Variants in HPSE2 observed in about 807,000 individuals in gnomAD.
HPSE2 encodes inactive heparanase-2.
HPSE2 carries 38 observed loss-of-function variants against 60.5 expected under a neutral mutation model. The observed-to-expected ratio is 0.63, with a 90% CI of 0.48 to 0.82. HPSE2 has a LOEUF of 0.82. Among genes scored for constraint, HPSE2 ranks in the 40% least tolerant of loss-of-function variants. The pLI, the probability that HPSE2 is intolerant of heterozygous loss-of-function variation, is 0.00. For missense variants in HPSE2, 713 were observed against 740.4 expected (o/e 0.96, Z 0.43); for synonymous variants, 295 against 293.2 (o/e 1.01, Z -0.06).
In HPSE2 at chr10:99,136,590, G is replaced by A. The variant is rs550982401; in HGVS notation, c.610+7648C>T. Reference sequence around the variant, plus strand: ...GGGATGCAAGGCTGGTTCAACATACGCAAATCAATAAACGTAATCCACCAC... The same window carrying A: ...GGGATGCAAGGCTGGTTCAACATACACAAATCAATAAACGTAATCCACCAC... On this transcript the variant is annotated intron_variant, in intron 3 of 11. Transcript: ENST00000370552. 5.9e-5 allele frequency among the ~76,000 whole-genome samples: 9 copies of A among 152,174 alleles called. No homozygotes were observed. The South Asian group carries it at 1.0e-3, about 18-fold the overall frequency.
intron 3 of HPSE2, among the ~76,000 whole-genome samples, chr10:99,106,360 C>A (rs1318213977): frequency 6.6e-6 from 1 of 151,972 alleles, no homozygotes; most frequent in Non-Finnish European, 1.5e-5. Flanking sequence ...AATGAAGTTT[C>A]TTCTAGTTTG....
chr10:99,305,979 G>GCGCGCGCA, the HPSE2 span, among the ~76,000 whole-genome samples: 4 of 80,580 alleles, frequency 5.0e-5, no homozygotes, highest in East Asian at 3.7e-4. Flanking sequence ...GCGCGCGCGC[G>GCGCGCGCA]CACACACACA....
At chr10:98,819,955 G>C (rs1951386280) in intron 3 of HPSE2, among the ~76,000 whole-genome samples, 1 of 151,852 alleles carries the variant, frequency 6.6e-6, no homozygotes, top group South Asian at 2.1e-4. Context: ...GTCACTCTTT[G>C]ACACCCTGTC....
intron 6 of HPSE2, among the ~76,000 whole-genome samples, chr10:98,647,269 T>C (rs536891491): frequency 1.2e-4 from 19 of 152,368 alleles, no homozygotes; most frequent in Non-Finnish European, 2.2e-4. Flanking sequence ...TAGCCACTTA[T>C]GCCCATTAGG....
chr10:98,668,442 G>A (rs1947424694), intron 6 of HPSE2, among the ~76,000 whole-genome samples: 1 of 152,072 alleles, frequency 6.6e-6, no homozygotes, highest in East Asian at 1.9e-4. Flanking sequence ...CCAAAAAGGA[G>A]CCCGATTAGC....
At chr10:98,827,946 T>G (rs1392132260) in intron 3 of HPSE2, among the ~76,000 whole-genome samples, 1 of 152,206 alleles carries the variant, frequency 6.6e-6, no homozygotes, top group Non-Finnish European at 1.5e-5. Flanking sequence ...TTACTCTCCA[T>G]AATGTGAGTA....
intron 7 of HPSE2, among the ~76,000 whole-genome samples, chr10:98,623,723 T>TTAAATA (rs944151308): frequency 6.6e-6 from 1 of 152,212 alleles, no homozygotes; most frequent in Non-Finnish European, 1.5e-5. Context: ...TAAGTTCTTT[T>TTAAATA]TAAATATAAA....
At chr10:99,291,823 T>C in the HPSE2 span, among the ~76,000 whole-genome samples, 1 of 152,168 alleles carries the variant, frequency 6.6e-6, no homozygotes, top group African/African-American at 2.4e-5. Flanking sequence ...TTCTCTCTCT[T>C]GTTCTCACTC....
chr10:98,995,866 G>A (rs1956631307), intron 3 of HPSE2, among the ~76,000 whole-genome samples: 1 of 152,084 alleles, frequency 6.6e-6, no homozygotes. Flanking sequence ...TACATGAAAA[G>A]GTGATCATGA....
intron 6 of HPSE2, among the ~76,000 whole-genome samples, chr10:98,658,962 C>A (rs1440120409): frequency 6.7e-6 from 1 of 149,648 alleles, no homozygotes; most frequent in East Asian, 2.0e-4. Flanking sequence ...ATAAAATTAA[C>A]CATTTTAAAG....
chr10:98,647,798 G>T (rs1946812664), intron 6 of HPSE2, among the ~76,000 whole-genome samples: 1 of 152,072 alleles, frequency 6.6e-6, no homozygotes, highest in Admixed American at 6.5e-5. Context: ...TTCTTATCTT[G>T]TGTTTCAGAA....
At chr10:98,809,301 A>G (rs868404762) in intron 3 of HPSE2, among the ~76,000 whole-genome samples, 71 of 152,208 alleles carry the variant, frequency 4.7e-4, no homozygotes, top group African/African-American at 1.7e-3. Context: ...GGTTCATTAT[A>G]TAATTCTCTC....
chr10:98,665,275 T>C (rs1947331770), intron 6 of HPSE2, among the ~76,000 whole-genome samples: 1 of 152,046 alleles, frequency 6.6e-6, no homozygotes, highest in Non-Finnish European at 1.5e-5. Flanking sequence ...CTCTGAAACA[T>C]ACAGGATAAT....
Position 98,544,712 on chromosome 10 carries a change from C to CA in HPSE2, c.1321-54517dup, listed in dbSNP as rs58604325. ...TGGGCGACAGAGCGAGACTCCGTCTCAAAAAAAAAAAAAAAAAAAAAAAAA... is the reference window on the plus strand; with the variant it reads ...TGGGCGACAGAGCGAGACTCCGTCTCAAAAAAAAAAAAAAAAAAAAAAAAAA... On this transcript the variant is annotated intron_variant, in intron 9 of 11. Coordinates refer to ENST00000370552, the MANE Select transcript of HPSE2 (RefSeq NM_021828.5). Among the ~76,000 whole-genome samples, 38 of 71,046 alleles carry CA rather than the reference C, an allele frequency of 5.3e-4. 1 individual carries two copies. The highest frequency in any genetic ancestry group is 2.3e-3 in the African/African-American group (38 of 16,662). 46.6% of individuals were successfully genotyped at this position (71,046 alleles called of 152,430 possible). A position where few individuals can be genotyped will look rare whatever the true frequency, so the allele number is the denominator to read the frequency against.
intron 2 of HPSE2, among the ~76,000 whole-genome samples, chr10:99,205,591 G>C (rs1361344642): frequency 6.6e-6 from 1 of 151,918 alleles, no homozygotes; most frequent in African/African-American, 2.4e-5. Context: ...CAAAAAAAAA[G>C]CTCATTTTCT....
chr10:98,666,478 T>C (rs996708267), intron 6 of HPSE2, among the ~76,000 whole-genome samples: 1 of 152,156 alleles, frequency 6.6e-6, no homozygotes, highest in Non-Finnish European at 1.5e-5. Context: ...CCACAGCATA[T>C]ACATTTTTCT....
At chr10:98,702,238 A>C (rs537325649) in intron 5 of HPSE2, among the ~76,000 whole-genome samples, 1 of 152,324 alleles carries the variant, frequency 6.6e-6, no homozygotes, top group South Asian at 2.1e-4. Context: ...TGTTAAAGGA[A>C]TCGATTCAAC....
chr10:99,228,083 T>C (rs1342200543), intron 2 of HPSE2, among the ~76,000 whole-genome samples: 1 of 152,008 alleles, frequency 6.6e-6, no homozygotes, highest in Non-Finnish European at 1.5e-5. Context: ...CTAGGTGAGA[T>C]GGAATAAGCT....
At chr10:98,556,855 A>C (rs905266090) in intron 9 of HPSE2, among the ~76,000 whole-genome samples, 2 of 152,224 alleles carry the variant, frequency 1.3e-5, no homozygotes, top group Non-Finnish European at 2.9e-5. Flanking sequence ...ATCAAAAGTA[A>C]TCTTGAAGAA....
Sources: gnomAD v4.1 joint callset for allele counts (sites outside exome capture counted in the v4.1 genomes callset) on GRCh38, gnomAD v4.1.1 for gene constraint, MANE v1.5 for transcripts, NCBI Gene and HGNC (gene_info 2026-07-23, HGNC 2026-07-21) for gene names.